The following RAPGEF5 variants were observed in gnomAD, a reference collection of about 807,000 sequenced individuals.
RAPGEF5 encodes the protein M-Ras-regulated GEF.
RAPGEF5 carries 65 observed loss-of-function variants against 125.2 expected under a neutral mutation model. That is an observed-to-expected ratio of 0.52 (90% CI 0.43 to 0.64). The LOEUF (loss-of-function observed/expected upper bound fraction) is 0.64, where lower values mean the gene tolerates loss of function less well. Ranked by LOEUF, RAPGEF5 falls within the 30% of genes least tolerant of loss-of-function variation. The pLI, the probability that RAPGEF5 is intolerant of heterozygous loss-of-function variation, is 0.00. For synonymous variants in RAPGEF5, 391 were observed against 385.9 expected (o/e 1.01, Z -0.16); for missense variants, 958 against 1,048.1 (o/e 0.91, Z 1.19).
At chr7:22,324,596 A>G (rs58731759) in intron 1 of RAPGEF5, among the ~76,000 whole-genome samples, 38,989 of 152,134 alleles carry the variant, frequency 0.26, 5,409 homozygotes, top group East Asian at 0.52. Context: ...CTTCAAAATA[A>G]AAAGGTTCTT....
intron 6 of RAPGEF5, among the ~76,000 whole-genome samples, chr7:22,283,143 G>T (rs956363016): frequency 6.6e-6 from 1 of 151,876 alleles, no homozygotes; most frequent in Non-Finnish European, 1.5e-5. Flanking sequence ...TTTCTAATCT[G>T]CATTTAGAAA....
chr7:22,197,416 C>T (rs1174806614), intron 9 of RAPGEF5, among the ~76,000 whole-genome samples: 2 of 152,228 alleles, frequency 1.3e-5, no homozygotes, highest in East Asian at 3.8e-4. Context: ...AGTTCCAATG[C>T]TGTTTGCCCT....
At chr7:22,268,470 G>A (rs1188380794) in intron 6 of RAPGEF5, among the ~76,000 whole-genome samples, 1 of 152,184 alleles carries the variant, frequency 6.6e-6, no homozygotes, top group East Asian at 1.9e-4. Flanking sequence ...ATCAATTACT[G>A]CATATTTTAC....
intron 13 of RAPGEF5, among the ~76,000 whole-genome samples, chr7:22,160,916 G>T (rs1402068448): frequency 6.6e-6 from 1 of 152,112 alleles, no homozygotes; most frequent in Non-Finnish European, 1.5e-5. Flanking sequence ...AAAATAATAG[G>T]CCGGGCATGG....
At chr7:22,144,641 C>T (rs883073) in intron 20 of RAPGEF5, among the ~76,000 whole-genome samples, 18,304 of 152,114 alleles carry the variant, frequency 0.12, 1,156 homozygotes, top group South Asian at 0.15. Flanking sequence ...AAAGTTCATA[C>T]GGTGGGCCTC....
intron 6 of RAPGEF5, among the ~76,000 whole-genome samples, chr7:22,286,431 A>C (rs1213059295): frequency 6.6e-6 from 1 of 152,278 alleles, no homozygotes; most frequent in Non-Finnish European, 1.5e-5. Flanking sequence ...ATTCAAACCC[A>C]GATGAGATGT....
chr7:22,228,418 T>G (rs1785972011), intron 8 of RAPGEF5, among the ~76,000 whole-genome samples: 1 of 152,094 alleles, frequency 6.6e-6, no homozygotes, highest in South Asian at 2.1e-4. Flanking sequence ...GCTGCCTAAG[T>G]GTTATATACA....
intron 23 of RAPGEF5, among the ~76,000 whole-genome samples, chr7:22,133,913 G>A (rs909555912): frequency 2.0e-5 from 3 of 152,170 alleles, no homozygotes; most frequent in Non-Finnish European, 2.9e-5. Flanking sequence ...CCACTTAATT[G>A]ATAATCTGCA....
intron 25 of RAPGEF5, among the ~76,000 whole-genome samples, chr7:22,123,336 A>C (rs908793149): frequency 3.3e-5 from 5 of 151,824 alleles, no homozygotes; most frequent in African/African-American, 1.2e-4. Context: ...ACCACAGTCA[A>C]ACACACACAC....
intron 11 of RAPGEF5, among the ~76,000 whole-genome samples, chr7:22,189,971 T>G (rs1290635311): frequency 6.6e-6 from 1 of 152,154 alleles, no homozygotes; most frequent in Non-Finnish European, 1.5e-5. Context: ...CCCATTGATC[T>G]TCTCTTTAAA....
In RAPGEF5 at chr7:22,215,335, T is replaced by A. The variant is rs555320915; in HGVS notation, c.996+4531A>T. Reference sequence around the variant, plus strand: ...ATACTCTTCTTCAATGTGGATTCTTTAAATCCAACCCAAAACCTAATTTAA... The same window carrying A: ...ATACTCTTCTTCAATGTGGATTCTTAAAATCCAACCCAAAACCTAATTTAA... On this transcript the variant is annotated intron_variant, in intron 9 of 25. Transcript: ENST00000665637. 5.3e-5 allele frequency among the ~76,000 whole-genome samples: 8 copies of A among 152,336 alleles called. No homozygotes were observed. In the East Asian group the frequency reaches 1.5e-3, roughly 29 times the overall value.
At chr7:22,280,334 G>A (rs948835158) in intron 6 of RAPGEF5, among the ~76,000 whole-genome samples, 19 of 152,212 alleles carry the variant, frequency 1.2e-4, no homozygotes, top group Non-Finnish European at 7.3e-5. Flanking sequence ...AAGCAGCACA[G>A]TGAAGCAGAG....
At chr7:22,258,624 CAAAAAAA>C (rs34352575) in intron 7 of RAPGEF5, among the ~76,000 whole-genome samples, 790 of 45,832 alleles carry the variant, frequency 0.017, 9 homozygotes, top group Non-Finnish European at 0.024. Context: ...AACTCCGTCT[CAAAAAAA>C]AAAAAAAAAA....
At chr7:22,222,452 G>A (rs1785814901) in intron 8 of RAPGEF5, among the ~76,000 whole-genome samples, 1 of 152,168 alleles carries the variant, frequency 6.6e-6, no homozygotes, top group Non-Finnish European at 1.5e-5. Flanking sequence ...AAGGAAATGA[G>A]GAAGAAGTGA....
chr7:22,173,378 T>C (rs1784408729), intron 11 of RAPGEF5, among the ~76,000 whole-genome samples: 1 of 152,244 alleles, frequency 6.6e-6, no homozygotes, highest in African/African-American at 2.4e-5. Flanking sequence ...ACTTAATCCC[T>C]GCCAATTCTT....
intron 9 of RAPGEF5, among the ~76,000 whole-genome samples, chr7:22,198,064 T>G (rs1342251830): frequency 1.3e-5 from 2 of 152,100 alleles, no homozygotes. Context: ...TAATTTTTTA[T>G]TTTATTTTGT....
chr7:22,234,038 TA>T (rs765567466), intron 7 of RAPGEF5, among the ~76,000 whole-genome samples: 8 of 152,194 alleles, frequency 5.3e-5, no homozygotes, highest in Non-Finnish European at 8.8e-5. Flanking sequence ...GAAGACAGCG[TA>T]AATAACATTA....
chr7:22,260,505 A>G (rs1404504052), intron 7 of RAPGEF5, among the ~76,000 whole-genome samples: 1 of 150,568 alleles, frequency 6.6e-6, no homozygotes, highest in African/African-American at 2.5e-5. Context: ...CTGAGGAACC[A>G]TCACACAATG....
chr7:22,236,533 C>T (rs1193671321), intron 7 of RAPGEF5, among the ~76,000 whole-genome samples: 1 of 152,176 alleles, frequency 6.6e-6, no homozygotes, highest in Admixed American at 6.5e-5. Context: ...CCACCAAGTA[C>T]TGAAGCTACA....
Sources: gnomAD v4.1 joint callset for allele counts (sites outside exome capture counted in the v4.1 genomes callset) on GRCh38, gnomAD v4.1.1 for gene constraint, MANE v1.5 for transcripts, NCBI Gene and HGNC (gene_info 2026-07-23, HGNC 2026-07-21) for gene names.